Variants in ZBTB20 observed in about 807,000 individuals in gnomAD.
ZBTB20 encodes zinc finger and BTB domain-containing protein 20.
In ZBTB20, 9 loss-of-function variants were observed where a neutral mutation model predicts 56.9. That is an observed-to-expected ratio of 0.16 (90% CI 0.10 to 0.28). The LOEUF is 0.28. Ranked by LOEUF, ZBTB20 falls within the 10% of genes least tolerant of loss-of-function variation. The pLI, the probability that ZBTB20 is intolerant of heterozygous loss-of-function variation, is 1.00. For missense variants in ZBTB20, 655 were observed against 1,003.0 expected (o/e 0.65, Z 4.69); for synonymous variants, 417 against 420.7 (o/e 0.99, Z 0.11).
intron 6 of ZBTB20, among the ~76,000 whole-genome samples, chr3:114,567,673 C>T (rs1351915170): frequency 3.9e-5 from 6 of 152,150 alleles, no homozygotes; most frequent in Admixed American, 3.3e-4. Flanking sequence ...ATAACCCCTA[C>T]ATCACACATA....
intron 5 of ZBTB20, among the ~76,000 whole-genome samples, chr3:114,763,312 T>C (rs1018780007): frequency 5.9e-5 from 9 of 152,200 alleles, no homozygotes; most frequent in Non-Finnish European, 7.4e-5. Flanking sequence ...AGAAAACTAG[T>C]CATGGCTAGT....
At chr3:114,556,505 A>G (rs1413038629) in intron 6 of ZBTB20, among the ~76,000 whole-genome samples, 2 of 152,046 alleles carry the variant, frequency 1.3e-5, no homozygotes, top group African/African-American at 2.4e-5. Flanking sequence ...TCCCGTGGAA[A>G]TTGTTTTCCA....
intron 7 of ZBTB20, among the ~76,000 whole-genome samples, chr3:114,499,613 T>C (rs2043700547): frequency 6.6e-6 from 1 of 152,196 alleles, no homozygotes; most frequent in Non-Finnish European, 1.5e-5. Flanking sequence ...ATTATTTGGG[T>C]TCATTGGCCT....
chr3:114,713,817 T>G (rs1358947227), intron 5 of ZBTB20, among the ~76,000 whole-genome samples: 1 of 152,116 alleles, frequency 6.6e-6, no homozygotes, highest in Non-Finnish European at 1.5e-5. Flanking sequence ...CACGAAACAG[T>G]GAAATTAGGA....
intron 7 of ZBTB20, among the ~76,000 whole-genome samples, chr3:114,498,108 A>AAATCTG (rs975215001): frequency 6.6e-6 from 1 of 152,236 alleles, no homozygotes; most frequent in Non-Finnish European, 1.5e-5. Context: ...TCCTGAGAAT[A>AAATCTG]AATCTGAATC....
intron 7 of ZBTB20, among the ~76,000 whole-genome samples, chr3:114,404,480 C>T (rs1306191859): frequency 6.6e-6 from 1 of 151,812 alleles, no homozygotes; most frequent in African/African-American, 2.4e-5. Context: ...ATCCTAACGC[C>T]GAGGGGAAGA....
At chr3:114,354,038 C>T (rs2080960420) in intron 10 of ZBTB20, among the ~76,000 whole-genome samples, 1 of 152,218 alleles carries the variant, frequency 6.6e-6, no homozygotes, top group Non-Finnish European at 1.5e-5. Flanking sequence ...GTGTGAAAGG[C>T]TTTGTCCACT....
intron 7 of ZBTB20, among the ~76,000 whole-genome samples, chr3:114,479,263 A>G (rs2041245423): frequency 6.6e-6 from 1 of 152,210 alleles, no homozygotes; most frequent in Non-Finnish European, 1.5e-5. Context: ...GGAGGTCTTG[A>G]AATATCTAAG....
chr3:114,498,418 G>A (rs978504722), intron 7 of ZBTB20, among the ~76,000 whole-genome samples: 4 of 152,172 alleles, frequency 2.6e-5, no homozygotes, highest in African/African-American at 9.7e-5. Flanking sequence ...AAAGCACTGG[G>A]GAGATAATGT....
chr3:114,429,925 G>T (rs2089994492), intron 7 of ZBTB20, among the ~76,000 whole-genome samples: 1 of 152,128 alleles, frequency 6.6e-6, no homozygotes, highest in Non-Finnish European at 1.5e-5. Flanking sequence ...CGGTATCTGT[G>T]TGGTGGGCTG....
rs778036056 is a variant in ZBTB20 at position 114,351,615 on chromosome 3, T to C, written c.463A>G (p.Ile155Val). The C allele has an allele frequency of 3.3e-5, 54 of 1,613,944 alleles. No individual in the cohort carries two copies. Among genetic ancestry groups the C allele is most frequent in the Non-Finnish European group, 4.4e-5 (52 of 1,180,002 alleles). Residue 155 changes from isoleucine to valine, a missense_variant, in exon 11 of 12, where the codon ATT (isoleucine) becomes GTT (valine). Around this residue, in one of 10 missense-constraint regions of ZBTB20, gnomAD observed 167 missense variants for 281.9 expected, o/e 0.59. Transcript: ENST00000675478. ...AGCACGCCGCTGTACATGAAGTCAA[T>C]GAGCTTTTGCACTGACTGCACTGAC... The part of the protein sequence containing the change: ...VVSVQSVQKL[I>V]DFMYSGVLRV...
intron 6 of ZBTB20, among the ~76,000 whole-genome samples, chr3:114,543,467 CA>C (rs1250551313): frequency 2.0e-5 from 3 of 152,122 alleles, no homozygotes; most frequent in Non-Finnish European, 4.4e-5. Flanking sequence ...TTAGAGTTAT[CA>C]GGACTATATC....
intron 5 of ZBTB20, among the ~76,000 whole-genome samples, chr3:114,772,452 TAGTGATTAAA>T (rs2069285693): frequency 6.6e-6 from 1 of 152,180 alleles, no homozygotes; most frequent in African/African-American, 2.4e-5. Context: ...GTATGCTTTG[TAGTGATTAAA>T]AGGATTAGGA....
intron 6 of ZBTB20, among the ~76,000 whole-genome samples, chr3:114,660,878 G>A (rs1374671314): frequency 4.6e-5 from 7 of 152,046 alleles, no homozygotes; most frequent in Admixed American, 2.6e-4. Flanking sequence ...TAGATGGGGC[G>A]GGTGGATGGG....
chr3:114,604,649 G>GTGCAGCCAATAT (rs1385850858), intron 6 of ZBTB20, among the ~76,000 whole-genome samples: 2 of 152,072 alleles, frequency 1.3e-5, no homozygotes, highest in Non-Finnish European at 2.9e-5. Context: ...TTAGCTACCG[G>GTGCAGCCAATAT]TGCAGCCAAT....
chr3:114,382,105 C>T (rs2084434865), intron 8 of ZBTB20, among the ~76,000 whole-genome samples: 1 of 152,208 alleles, frequency 6.6e-6, no homozygotes, highest in Non-Finnish European at 1.5e-5. Flanking sequence ...CTGTTGTCTA[C>T]CACCAGGTTG....
At chr3:115,129,912 T>C (rs1169882385) in intron 1 of ZBTB20, among the ~76,000 whole-genome samples, 2 of 152,232 alleles carry the variant, frequency 1.3e-5, no homozygotes, top group South Asian at 2.1e-4. Flanking sequence ...TGGAGGTTTA[T>C]ATAGCTTCAT....
chr3:114,596,074 T>C (rs1251510593), intron 6 of ZBTB20, among the ~76,000 whole-genome samples: 1 of 152,218 alleles, frequency 6.6e-6, no homozygotes, highest in Admixed American at 6.5e-5. Context: ...CACAGTAATA[T>C]TTTTTCTTTG....
At chr3:115,009,803 T>A (rs1462710669) in intron 2 of ZBTB20, among the ~76,000 whole-genome samples, 1 of 151,916 alleles carries the variant, frequency 6.6e-6, no homozygotes, top group Non-Finnish European at 1.5e-5. Context: ...TCTACCACGT[T>A]GGGATACAGA....
Sources: gnomAD v4.1 joint callset for allele counts (sites outside exome capture counted in the v4.1 genomes callset) on GRCh38, gnomAD v4.1.1 for gene constraint, gnomAD v4.1.1 regional missense constraint, MANE v1.5 for transcripts, NCBI Gene and HGNC (gene_info 2026-07-23, HGNC 2026-07-21) for gene names.